Variants in EFHB observed in about 807,000 individuals in gnomAD.
EFHB encodes EF-hand domain family member B.
Under a neutral mutation model 87.2 loss-of-function variants are expected in EFHB, and 91 were observed. That is an observed-to-expected ratio of 1.04 (90% CI 0.88 to 1.24). The LOEUF (loss-of-function observed/expected upper bound fraction) is 1.24, where lower values mean the gene tolerates loss of function less well. Ranked by LOEUF, EFHB falls within the 50% of genes most tolerant of loss-of-function variation. EFHB has a pLI of 0.00. For synonymous variants in EFHB, 325 were observed against 333.6 expected (o/e 0.97, Z 0.28); for missense variants, 1,084 against 998.8 (o/e 1.09, Z -1.15).
chr3:19,887,217 C>G (rs1259610812), intron 10 of EFHB, among the ~76,000 whole-genome samples: 1 of 151,610 alleles, frequency 6.6e-6, no homozygotes, highest in Non-Finnish European at 1.5e-5. Context: ...CCTGTCTCTG[C>G]TAAAAATACA....
At chr3:19,893,504 C>T (rs1455771736) in intron 9 of EFHB, among the ~76,000 whole-genome samples, 3 of 152,154 alleles carry the variant, frequency 2.0e-5, no homozygotes, top group African/African-American at 7.2e-5. Flanking sequence ...CCAGGATGTT[C>T]AGGGGAGTGA....
upstream of EFHB, among the ~76,000 whole-genome samples, chr3:19,938,584 G>A (rs746377868): frequency 2.6e-5 from 4 of 152,240 alleles, no homozygotes; most frequent in East Asian, 1.9e-4. Flanking sequence ...ATCATAAAAT[G>A]TTAGGAAAAA....
At chr3:19,915,588 A>C (rs1373808609) in intron 4 of EFHB, among the ~76,000 whole-genome samples, 175 bp from the exon 5 acceptor site, 7 of 152,088 alleles carry the variant, frequency 4.6e-5, no homozygotes. Context: ...AGCCCACTTG[A>C]CCTGGCTCAT....
intron 6 of EFHB, among the ~76,000 whole-genome samples, chr3:19,900,953 A>C (rs9840728): frequency 0.029 from 4,345 of 152,008 alleles, 215 homozygotes; most frequent in African/African-American, 0.099. Context: ...TAGAAAAGTT[A>C]TATGTATAAA....
chr3:19,901,660 A>G (rs1694675927), intron 6 of EFHB, among the ~76,000 whole-genome samples: 1 of 152,182 alleles, frequency 6.6e-6, no homozygotes, highest in African/African-American at 2.4e-5. Context: ...TCTAAAAATC[A>G]GCTCCAGGCC....
chr3:19,924,234 G>A (rs1218471984), intron 1 of EFHB, among the ~76,000 whole-genome samples: 1 of 143,714 alleles, frequency 7.0e-6, no homozygotes, highest in Non-Finnish European at 1.5e-5. Context: ...TTTTTTTTGA[G>A]ACAGAGTCGT....
At chr3:19,935,371 T>A (rs1254676364), upstream of EFHB, among the ~76,000 whole-genome samples, 3 of 152,146 alleles carry the variant, frequency 2.0e-5, no homozygotes, top group Non-Finnish European at 4.4e-5. Flanking sequence ...TGGTAAATAT[T>A]TGTCATGTTC....
chr3:19,927,022 C>T (rs1695655305), intron 1 of EFHB, among the ~76,000 whole-genome samples: 1 of 152,234 alleles, frequency 6.6e-6, no homozygotes. Flanking sequence ...GTGATACCAT[C>T]AGAGTTCATT....
chr3:19,908,564 G>GAGAGAAAGAGAGAA (rs1284705451), intron 5 of EFHB, among the ~76,000 whole-genome samples: 204 of 60,138 alleles, frequency 3.4e-3, no homozygotes, highest in African/African-American at 0.012. Context: ...AAGAGAGAAA[G>GAGAGAAAGAGAGAA]AGAGAGAGAG....
intron 1 of EFHB, among the ~76,000 whole-genome samples, chr3:19,930,870 T>C (rs1048578332): frequency 6.6e-6 from 1 of 152,176 alleles, no homozygotes; most frequent in African/African-American, 2.4e-5. Flanking sequence ...TGGTGGCTCA[T>C]GCCTGTAATC....
At chr3:19,918,440 T>C (rs1459422018) in intron 3 of EFHB, 28 bp from the exon 4 acceptor site, 5 of 1,534,264 alleles carry the variant, frequency 3.3e-6, no homozygotes, top group Middle Eastern at 2.1e-4. Flanking sequence ...TGCACAAATA[T>C]ATCAACAAAA....
chr3:19,944,845 T>C (rs781177099), intron 1 of EFHB, among the ~76,000 whole-genome samples: 8 of 152,194 alleles, frequency 5.3e-5, no homozygotes, highest in Non-Finnish European at 1.0e-4. Context: ...GGGTCCCTAT[T>C]ATAGCAGTCA....
chr3:19,895,277 C>A (rs1016206508), intron 9 of EFHB, among the ~76,000 whole-genome samples: 4 of 151,402 alleles, frequency 2.6e-5, no homozygotes, highest in Admixed American at 1.3e-4. Context: ...GTCAGGAGAT[C>A]GAGACCATCC....
In EFHB at chr3:19,940,099, C is replaced by CT. The variant is rs1278652083; in HGVS notation, c.-31-3766dup. Among the ~76,000 whole-genome samples the CT allele has an allele frequency of 6.4e-4, 97 of 152,230 alleles. 1 individual carries two copies. Among genetic ancestry groups the CT allele is most frequent in the Admixed American group, 9.2e-4 (14 of 15,284 alleles). On this transcript the variant is annotated intron_variant, in intron 1 of 14. Transcript: ENST00000344838. The stretch of plus-strand genomic sequence containing the variant: ...TTAAAGGCTTACTTTCTATGTACTT[C>CT]TTTTTTTATGAGATTACAGGCCTTT...
chr3:19,936,904 T>C (rs1161316114), upstream of EFHB, among the ~76,000 whole-genome samples: 1 of 145,142 alleles, frequency 6.9e-6, no homozygotes, highest in Admixed American at 6.9e-5. Flanking sequence ...AATAAATAAA[T>C]AAATAAATAA....
rs2125168456 is a variant in EFHB, at chr3:19,933,940, GA to G, written c.78del (p.Met28TrpfsTer7). ...CCTACTCTGATCCCCAACTCCATGG[GA>G]AATTTTGTTCCCATGATGACCCTCT... The part of the protein sequence containing the change: ...GDKRVIMGTK[F>X]PMELGIRVGL... On this transcript the variant is annotated frameshift_variant, in exon 1 of 13. Coordinates refer to ENST00000295824, the MANE Select transcript of EFHB (RefSeq NM_144715.4). LOFTEE classifies it high-confidence loss of function. 1.2e-6 allele frequency: 2 copies of G among 1,613,760 alleles called. No individual in the cohort carries two copies. Among genetic ancestry groups the G allele is most frequent in the South Asian group, 2.2e-5 (2 of 91,056 alleles).
upstream of EFHB, among the ~76,000 whole-genome samples, chr3:19,935,245 A>G (rs988840384): frequency 3.9e-5 from 6 of 152,200 alleles, no homozygotes; most frequent in African/African-American, 1.4e-4. Context: ...TATGCTACAC[A>G]ATAAGGCATA....
chr3:19,896,743 T>C lies in EFHB; in HGVS notation c.1669A>G (p.Lys557Glu). 1 of 1,614,028 alleles carries C rather than the reference T, an allele frequency of 6.2e-7. No homozygotes were observed. The highest frequency in any genetic ancestry group is 8.5e-7 in the Non-Finnish European group (1 of 1,179,884). ...LIAAVRHHLK[K>E]VNYQKFDTLL... Reference sequence around the variant, plus strand: ...GTGTCAAACTTTTGGTAATTAACTTTCTTCAGGTGATGCCGAACTGCTGCA... The same window carrying C: ...GTGTCAAACTTTTGGTAATTAACTTCCTTCAGGTGATGCCGAACTGCTGCA... Residue 557 changes from lysine (K) to glutamate (E), a missense_variant, in exon 9 of 13, where the codon AAA becomes GAA. Physicochemically the swap from Lys to Glu is moderately conservative, Grantham distance 56. Coordinates refer to ENST00000295824, the MANE Select transcript of EFHB (RefSeq NM_144715.4).
At chr3:19,895,935 GA>G (rs1235429325) in intron 9 of EFHB, among the ~76,000 whole-genome samples, 3 of 152,164 alleles carry the variant, frequency 2.0e-5, no homozygotes, top group Non-Finnish European at 4.4e-5. Context: ...GGCCTAAAAT[GA>G]AGCAAGGCAA....
Sources: gnomAD v4.1 joint callset for allele counts (sites outside exome capture counted in the v4.1 genomes callset) on GRCh38, gnomAD v4.1.1 for gene constraint, MANE v1.5 for transcripts, NCBI Gene and HGNC (gene_info 2026-07-23, HGNC 2026-07-21) for gene names.